Variants in CSMD1 observed in about 807,000 individuals in gnomAD.
CSMD1 encodes the protein CUB and Sushi multiple domains 1, also known as CUB and sushi domain-containing protein 1.
A neutral mutation model predicts 417.5 loss-of-function variants in CSMD1; 213 were observed. The observed-to-expected ratio is 0.51, with a 90% CI of 0.46 to 0.57. The LOEUF is 0.57. Ranked by LOEUF, CSMD1 falls within the 20% of genes least tolerant of loss-of-function variation. The pLI is 0.00. For missense variants in CSMD1, 6,923 were observed against 4,529.7 expected (o/e 1.53, Z -15.17); for synonymous variants, 2,862 against 1,736.8 (o/e 1.65, Z -16.11).
rs573737809 is a variant in CSMD1, at chr8:4,865,258, T to C, written c.85+129074A>G. On this transcript the variant is annotated intron_variant, in intron 1 of 69. Transcript: ENST00000635120. ...TACTTGTACCAACATAAAACTTCTA[T>C]GTTATTCATCCTAAGAAAATACTAC... Among the ~76,000 whole-genome samples the C allele has an allele frequency of 4.6e-5, 7 of 151,978 alleles. No individual in the cohort carries two copies. The East Asian group carries it at 9.7e-4, about 21-fold the overall frequency.
chr8:4,407,130 C>G (rs531353166), intron 3 of CSMD1, among the ~76,000 whole-genome samples: 1 of 152,238 alleles, frequency 6.6e-6, no homozygotes, highest in Non-Finnish European at 1.5e-5. Flanking sequence ...CCACAGACAC[C>G]AGATGAGCTG....
chr8:4,105,650 C>T (rs567857074), intron 3 of CSMD1, among the ~76,000 whole-genome samples: 11 of 152,140 alleles, frequency 7.2e-5, no homozygotes, highest in African/African-American at 1.7e-4. Flanking sequence ...GCAGGTGGAA[C>T]GTGGTTTCTG....
intron 7 of CSMD1, chr8:3,700,659 G>A (rs1356937204): frequency 2.0e-5 from 3 of 152,216 alleles, no homozygotes; most frequent in African/African-American, 7.2e-5. Flanking sequence ...ACGATGTGAG[G>A]GAGGGAGGAT....
chr8:4,790,722 G>A (rs1797642268), intron 1 of CSMD1, among the ~76,000 whole-genome samples: 1 of 152,102 alleles, frequency 6.6e-6, no homozygotes. Flanking sequence ...GCAAAAAGAA[G>A]CAACCAGGAA....
intron 7 of CSMD1, among the ~76,000 whole-genome samples, chr8:3,631,411 C>T (rs79504297): frequency 4.6e-5 from 7 of 152,076 alleles, no homozygotes; most frequent in African/African-American, 4.8e-5. Flanking sequence ...GAAGCCAGCC[C>T]GTGGCTGAGC....
chr8:4,737,744 C>A lies in CSMD1; in HGVS notation c.86-100186G>T, dbSNP rs549698506. ...CAATAGGTAATGGCTTAAATCAATG[C>A]AAAGGCAATAGAAAGGCCAGAGAAG... On this transcript the variant is annotated intron_variant, in intron 1 of 69. Coordinates refer to ENST00000635120, the MANE Select transcript of CSMD1 (RefSeq NM_033225.6). Among the ~76,000 whole-genome samples, 4 of 152,104 alleles carry A rather than the reference C, an allele frequency of 2.6e-5. No homozygotes were observed. In the East Asian group the frequency reaches 5.8e-4, roughly 22 times the overall value.
At chr8:4,865,289 G>T (rs1802362978) in intron 1 of CSMD1, among the ~76,000 whole-genome samples, 1 of 151,658 alleles carries the variant, frequency 6.6e-6, no homozygotes, top group Non-Finnish European at 1.5e-5. Flanking sequence ...ACTACATACT[G>T]CTTCTGTTTT....
intron 6 of CSMD1, among the ~76,000 whole-genome samples, chr8:3,716,682 C>G (rs544742419): frequency 1.5e-4 from 23 of 152,230 alleles, no homozygotes; most frequent in African/African-American, 5.5e-4. Flanking sequence ...TCCTTAACCT[C>G]CTGGGAATGC....
rs71521807 is a variant in CSMD1, at chr8:3,119,419, A to G, written c.6242-832T>C. On this transcript the variant is annotated intron_variant, in intron 41 of 69. Coordinates refer to ENST00000635120, the MANE Select transcript of CSMD1 (RefSeq NM_033225.6). ...AAAAAAAAAAAAAAAAAAACACTGT[A>G]TAATCCCTAAGCTGACAACTACTAT... Among the ~76,000 whole-genome samples the G allele has an allele frequency of 3.9e-3, 519 of 133,722 alleles. 12 individuals are homozygous for G. In the South Asian group the frequency reaches 0.057, roughly 15 times the overall value. The allele number at this position is 133,722 out of a possible 152,430, so 87.7% of individuals were successfully genotyped here. A position where few individuals can be genotyped will look rare whatever the true frequency, so the allele number is the denominator to read the frequency against.
chr8:4,459,373 A>G (rs1019044262), intron 2 of CSMD1, among the ~76,000 whole-genome samples: 1 of 152,246 alleles, frequency 6.6e-6, no homozygotes, highest in African/African-American at 2.4e-5. Context: ...TGGTTTACTC[A>G]TGAAACAAGA....
intron 2 of CSMD1, among the ~76,000 whole-genome samples, chr8:4,442,379 A>G (rs909169226): frequency 1.2e-4 from 18 of 152,184 alleles, no homozygotes; most frequent in African/African-American, 4.3e-4. Context: ...AGAGATTTCT[A>G]CCATTAACAA....
intron 6 of CSMD1, among the ~76,000 whole-genome samples, chr8:3,753,095 G>A (rs906967283): frequency 6.6e-6 from 1 of 152,168 alleles, no homozygotes; most frequent in African/African-American, 2.4e-5. Flanking sequence ...GCACTGCAGG[G>A]CTTGGTGTCC....
Position 4,182,174 on chromosome 8 carries a change from A to G in CSMD1, c.416-150075T>C, listed in dbSNP as rs535949732. 2.3e-4 allele frequency among the ~76,000 whole-genome samples: 35 copies of G among 152,196 alleles called. No individual in the cohort carries two copies. The East Asian group carries it at 6.6e-3, about 29-fold the overall frequency. On this transcript the variant is annotated intron_variant, in intron 3 of 69. Coordinates refer to ENST00000635120, the MANE Select transcript of CSMD1 (RefSeq NM_033225.6). ...AACATAGCACCAACAAAATAGACCT[A>G]TTAGTTTTCTGATTAGGTTCTGTGT...
In CSMD1 at chr8:4,225,642, C is replaced by T. The variant is rs143891411; in HGVS notation, c.416-193543G>A. The stretch of plus-strand genomic sequence containing the variant: ...TTTTCCTGTCTGATCTGCATCATAA[C>T]CAGAGAAATTAAAAGCAGGAAAGTG... On this transcript the variant is annotated intron_variant, in intron 3 of 69. Transcript: ENST00000635120. 2.6e-5 allele frequency among the ~76,000 whole-genome samples: 4 copies of T among 151,754 alleles called. No individual in the cohort carries two copies. The South Asian group carries it at 6.2e-4, about 24-fold the overall frequency.
intron 41 of CSMD1, among the ~76,000 whole-genome samples, chr8:3,141,844 C>A (rs1035496581): frequency 2.0e-5 from 3 of 150,024 alleles, no homozygotes; most frequent in African/African-American, 4.9e-5. Flanking sequence ...GTCGCCCAGG[C>A]TGGAGTGCAG....
At chr8:3,561,860 G>C (rs1799480466) in intron 10 of CSMD1, among the ~76,000 whole-genome samples, 1 of 152,340 alleles carries the variant, frequency 6.6e-6, no homozygotes, top group African/African-American at 2.4e-5. Context: ...TGGCCCTCCA[G>C]GAAGGCAGGG....
chr8:3,297,980 A>G (rs1484493615), intron 25 of CSMD1, among the ~76,000 whole-genome samples: 3 of 152,224 alleles, frequency 2.0e-5, no homozygotes, highest in Admixed American at 6.5e-5. Context: ...CAAAAGGCCA[A>G]TAAACATATA....
Position 3,495,061 on chromosome 8 carries a change from A to T in CSMD1, c.1345-1335T>A, listed in dbSNP as rs112871102. Among the ~76,000 whole-genome samples the T allele has an allele frequency of 1.7e-3, 266 of 152,338 alleles. 2 individuals carry two copies. Among genetic ancestry groups the T allele is most frequent in the African/African-American group, 5.9e-3 (245 of 41,574 alleles). On this transcript the variant is annotated intron_variant, in intron 10 of 69. Coordinates refer to ENST00000635120, the MANE Select transcript of CSMD1 (RefSeq NM_033225.6). ...TTAATATAGCCATTATAATTTATTT[A>T]AAAAACCTACTATTTCAAATTGCAG...
At chr8:4,630,025 T>C (rs997835695) in intron 2 of CSMD1, among the ~76,000 whole-genome samples, 2 of 152,158 alleles carry the variant, frequency 1.3e-5, no homozygotes, top group African/African-American at 2.4e-5. Flanking sequence ...CATATTAGTA[T>C]GGTTTTGCTG....
Sources: gnomAD v4.1 joint callset for allele counts (sites outside exome capture counted in the v4.1 genomes callset) on GRCh38, gnomAD v4.1.1 for gene constraint, MANE v1.5 for transcripts, NCBI Gene and HGNC (gene_info 2026-07-23, HGNC 2026-07-21) for gene names.